Variants in SGK3 observed in about 807,000 individuals in gnomAD.
SGK3 encodes the protein serine/threonine-protein kinase Sgk3.
In SGK3, 47 loss-of-function variants were observed where a neutral mutation model predicts 68.5. That is an observed-to-expected ratio of 0.69 (90% CI 0.54 to 0.87). The LOEUF is 0.87. Ranked by LOEUF, SGK3 falls within the 40% of genes least tolerant of loss-of-function variation. The probability of loss-of-function intolerance (pLI) is 0.00; values close to 1 mark genes in which losing one functional copy is unlikely to be tolerated. For synonymous variants in SGK3, 181 were observed against 189.1 expected (o/e 0.96, Z 0.35); for missense variants, 479 against 575.5 (o/e 0.83, Z 1.72).
At chr8:66,714,508 CT>C (rs1355822056) in intron 1 of SGK3, among the ~76,000 whole-genome samples, 4 of 152,210 alleles carry the variant, frequency 2.6e-5, no homozygotes, top group Non-Finnish European at 5.9e-5. Flanking sequence ...CTGTGCCCCC[CT>C]CCCTTATCTC....
chr8:66,781,102 G>C (rs1806957755), intron 1 of SGK3, among the ~76,000 whole-genome samples: 1 of 152,164 alleles, frequency 6.6e-6, no homozygotes, highest in African/African-American at 2.4e-5. Context: ...TGGGCGTGTT[G>C]TATGTTCACA....
At chr8:66,846,760 A>G (rs1183054057) in intron 14 of SGK3, among the ~76,000 whole-genome samples, 1 of 152,204 alleles carries the variant, frequency 6.6e-6, no homozygotes, top group Non-Finnish European at 1.5e-5. Context: ...TAAGTACCTA[A>G]GAAACATTAT....
At chr8:66,851,343 G>A (rs1810275927) in intron 16 of SGK3, among the ~76,000 whole-genome samples, 1 of 151,828 alleles carries the variant, frequency 6.6e-6, no homozygotes, top group African/African-American at 2.4e-5. Flanking sequence ...GCGAAACCCT[G>A]TCTCTACTAA....
In SGK3 at chr8:66,838,812, T is replaced by C. The variant is rs190425861; in HGVS notation, c.742-1191T>C. 6.6e-5 allele frequency among the ~76,000 whole-genome samples: 10 copies of C among 152,328 alleles called. No homozygotes were observed. The East Asian group carries it at 1.7e-3, about 26-fold the overall frequency. On this transcript the variant is annotated intron_variant, in intron 10 of 16. Coordinates refer to ENST00000521198, the MANE Select transcript of SGK3 (RefSeq NM_001033578.3). ...ATAGGAGTGTGGTTTCCATACATTATTACTCTTATTTTCCCCCAGTGTTCA... is the reference window on the plus strand; with the variant it reads ...ATAGGAGTGTGGTTTCCATACATTACTACTCTTATTTTCCCCCAGTGTTCA...
At chr8:66,818,936 G>A (rs941953218) in intron 5 of SGK3, among the ~76,000 whole-genome samples, 13 of 152,204 alleles carry the variant, frequency 8.5e-5, no homozygotes, top group Non-Finnish European at 1.8e-4. Context: ...CTTGTGGGTT[G>A]TAGAGTATAT....
chr8:66,841,037 T>G lies in SGK3; in HGVS notation c.905T>G (p.Leu302Ter). 6.2e-7 allele frequency: 1 copy of G among 1,602,044 alleles called. No individual in the cohort carries two copies. The highest frequency in any genetic ancestry group is 8.5e-7 in the Non-Finnish European group (1 of 1,174,736). Residue 302 changes from leucine to a stop codon, truncating the protein, a stop_gained, in exon 13 of 17, where the codon TTA (leucine) becomes TGA (stop). Transcript: ENST00000521198. LOFTEE classifies it high-confidence loss of function. ...ILLDSVGHVV[L>*]TDFGLCKEGI... ...TGTATTTGTCAGGGACATGTTGTCT[T>G]AACAGATTTTGGGCTTTGTAAAGAA...
At chr8:66,743,011 A>G (rs779599559) in intron 1 of SGK3, among the ~76,000 whole-genome samples, 1 of 152,136 alleles carries the variant, frequency 6.6e-6, no homozygotes, top group Non-Finnish European at 1.5e-5. Context: ...ACTGCCTGTC[A>G]GTCTGTAATT....
chr8:66,803,375 G>C (rs891800075), intron 3 of SGK3, among the ~76,000 whole-genome samples: 3 of 152,020 alleles, frequency 2.0e-5, no homozygotes, highest in Non-Finnish European at 4.4e-5. Flanking sequence ...TGTCACCCAG[G>C]CTGGAGTGCA....
At chr8:66,744,539 T>G (rs1361719286) in intron 1 of SGK3, among the ~76,000 whole-genome samples, 1 of 124,644 alleles carries the variant, frequency 8.0e-6, no homozygotes, top group African/African-American at 3.0e-5. Flanking sequence ...TTTTTTTTTT[T>G]TTTTTTAGAT....
chr8:66,767,556 A>C, intron 1 of SGK3: 1 of 1,478,890 alleles, frequency 6.8e-7, no homozygotes, highest in African/African-American at 1.4e-5. Context: ...CTCTCTCCTC[A>C]TCAAGTATCA....
intron 4 of SGK3, among the ~76,000 whole-genome samples, chr8:66,805,811 A>C (rs1808134219): frequency 6.6e-6 from 1 of 152,246 alleles, no homozygotes; most frequent in South Asian, 2.1e-4. Flanking sequence ...GTAACTGGTT[A>C]AACTGATAAT....
At chr8:66,756,483 A>G (rs1450191790) in intron 1 of SGK3, among the ~76,000 whole-genome samples, 1 of 151,810 alleles carries the variant, frequency 6.6e-6, no homozygotes, top group Non-Finnish European at 1.5e-5. Context: ...AAACCATGGT[A>G]TCCACATTTA....
chr8:66,839,531 A>G lies in SGK3; in HGVS notation c.742-472A>G, dbSNP rs867325796. 7.4e-4 allele frequency among the ~76,000 whole-genome samples: 51 copies of G among 69,196 alleles called. 2 individuals carry two copies. The highest frequency in any genetic ancestry group is 2.4e-3 in the African/African-American group (43 of 18,034). The allele number at this position is 69,196 out of a possible 152,430, so 45.4% of individuals were successfully genotyped here. ...TATATATATATATATATATATATAT[A>G]TATATATATATATATATATATATAT... On this transcript the variant is annotated intron_variant, in intron 10 of 16. Transcript: ENST00000521198.
chr8:66,859,265 G>A (rs1319489244), intron 16 of SGK3, 146 bp from the exon 17 acceptor site: 6 of 941,392 alleles, frequency 6.4e-6, no homozygotes, highest in Admixed American at 3.5e-5. Flanking sequence ...CCCAGGAGGC[G>A]GAGGTTGCAG....
At position 66,835,945 on chromosome 8, in the gene SGK3, A is replaced by G; in HGVS notation, c.612A>G (p.Gln204=). Residue 204 remains glutamine, a splice_region_variant and synonymous_variant, in exon 10 of 17, where the codon CAA becomes CAG. Coordinates refer to ENST00000521198, the MANE Select transcript of SGK3 (RefSeq NM_001033578.3). ...TTGATCTTTTGCCTTTTTTCCAGCA[A>G]AAACATATTATGGCTGAACGTAATG... The part of the protein sequence containing the change: ...QKKIVLNRKE[Q]KHIMAERNVL... The G allele has an allele frequency of 6.2e-7, 1 of 1,612,906 alleles. No homozygotes were observed.
intron 1 of SGK3, among the ~76,000 whole-genome samples, chr8:66,725,533 A>G (rs1804961898): frequency 6.6e-6 from 1 of 152,034 alleles, no homozygotes; most frequent in South Asian, 2.1e-4. Context: ...TTGTTAAAAT[A>G]ATGTTTAAAA....
At chr8:66,834,637 G>A (rs917043318) in intron 8 of SGK3, among the ~76,000 whole-genome samples, 2 of 151,994 alleles carry the variant, frequency 1.3e-5, no homozygotes, top group Admixed American at 6.6e-5. Context: ...CCAACAAAGT[G>A]CACTCCTGTA....
chr8:66,717,655 T>C (rs186791637), intron 1 of SGK3, among the ~76,000 whole-genome samples: 115 of 152,350 alleles, frequency 7.5e-4, no homozygotes, highest in Non-Finnish European at 1.3e-3. Context: ...TTCATAAGTT[T>C]GAAAATGAGA....
At chr8:66,750,922 G>C (rs186871031) in intron 1 of SGK3, among the ~76,000 whole-genome samples, 1 of 149,114 alleles carries the variant, frequency 6.7e-6, no homozygotes, top group Admixed American at 6.7e-5. Flanking sequence ...TGGGAGGATT[G>C]CTTGAGCCCA....
Sources: gnomAD v4.1 joint callset for allele counts (sites outside exome capture counted in the v4.1 genomes callset) on GRCh38, gnomAD v4.1.1 for gene constraint, MANE v1.5 for transcripts, NCBI Gene and HGNC (gene_info 2026-07-23, HGNC 2026-07-21) for gene names.